CTNND2: variants seen among roughly 807,000 people sequenced by gnomAD.
CTNND2 encodes catenin delta 2.
A neutral mutation model predicts 144.4 loss-of-function variants in CTNND2; 22 were observed. The ratio of observed to expected loss-of-function variants is 0.15; its 90% confidence interval spans 0.11 to 0.22. The LOEUF (loss-of-function observed/expected upper bound fraction) is 0.22, where lower values mean the gene tolerates loss of function less well. Ranked by LOEUF, CTNND2 falls within the 10% of genes least tolerant of loss-of-function variation. The pLI is 1.00. For missense variants in CTNND2, 1,353 were observed against 1,618.8 expected, an observed-to-expected ratio of 0.84 and a Z score of 2.82; for synonymous variants, 751 against 695.6, an observed-to-expected ratio of 1.08 and a Z score of -1.25.
chr5:11,736,488 T>TA (rs1787689341), intron 1 of CTNND2, among the ~76,000 whole-genome samples: 1 of 152,200 alleles, frequency 6.6e-6, no homozygotes, highest in Non-Finnish European at 1.5e-5. Flanking sequence ...AAATTTAATG[T>TA]AACTATTGTG....
chr5:11,151,297 C>G (rs1341786694), intron 12 of CTNND2, among the ~76,000 whole-genome samples: 1 of 152,134 alleles, frequency 6.6e-6, no homozygotes, highest in Non-Finnish European at 1.5e-5. Flanking sequence ...AGGGAAGTTA[C>G]TTCTTATGCA....
rs1561384396 is a variant in CTNND2, at chr5:11,432,127, T to TTA, written c.288-20059_288-20058insTA. Reference sequence around the variant, plus strand: ...TCATTTTCTGAGGTTGAGGCTTTTTTTTTTTTTTTTTTTTAAGTTAAGGGC... The same window carrying TTA: ...TCATTTTCTGAGGTTGAGGCTTTTTTTATTTTTTTTTTTTTTAAGTTAAGGGC... On this transcript the variant is annotated intron_variant, in intron 3 of 21. Transcript: ENST00000304623. 4.9e-3 allele frequency among the ~76,000 whole-genome samples: 742 copies of TTA among 150,398 alleles called. 8 individuals are homozygous for TTA. The highest frequency in any genetic ancestry group is 0.017 in the African/African-American group (705 of 40,934).
At chr5:11,048,937 C>T (rs1484609813) in intron 16 of CTNND2, among the ~76,000 whole-genome samples, 1 of 152,214 alleles carries the variant, frequency 6.6e-6, no homozygotes, top group Non-Finnish European at 1.5e-5. Flanking sequence ...GCCTGCAGGA[C>T]AGACAGCAGC....
In CTNND2 at chr5:11,129,314, A is replaced by AAATATATTATATAT. The variant is rs1453790936; in HGVS notation, c.2160-11748_2160-11747insATATATAATATATT. On this transcript the variant is annotated intron_variant, in intron 12 of 21. Transcript: ENST00000304623. ...TATATAATATATATTATATATATAAATATATATAATATATATATATGCATC... is the reference window on the plus strand; with the variant it reads ...TATATAATATATATTATATATATAAAAATATATTATATATTATATATAATATATATATATGCATC... 1.0e-4 allele frequency among the ~76,000 whole-genome samples: 10 copies of AAATATATTATATAT among 99,716 alleles called. 1 individual carries two copies. Among genetic ancestry groups the AAATATATTATATAT allele is most frequent in the African/African-American group, 4.1e-4 (10 of 24,256 alleles). The allele number at this position is 99,716 out of a possible 152,430, so 65.4% of individuals were successfully genotyped here.
chr5:11,140,145 A>G (rs751427403), intron 12 of CTNND2, among the ~76,000 whole-genome samples: 23 of 152,176 alleles, frequency 1.5e-4, no homozygotes, highest in Non-Finnish European at 2.2e-4. Flanking sequence ...GTTTTTGGTG[A>G]TTAGCACAGG....
chr5:11,326,536 T>G (rs572157531), intron 9 of CTNND2, among the ~76,000 whole-genome samples: 31 of 152,280 alleles, frequency 2.0e-4, no homozygotes, highest in African/African-American at 6.7e-4. Context: ...AAGGGTACAA[T>G]TCCTATCTCT....
At chr5:11,454,470 T>G (rs931914099) in intron 3 of CTNND2, among the ~76,000 whole-genome samples, 1 of 152,132 alleles carries the variant, frequency 6.6e-6, no homozygotes, top group Admixed American at 6.5e-5. Context: ...AACATAATAT[T>G]TGTATATGTT....
chr5:11,811,668 T>G (rs1792341630), intron 1 of CTNND2, among the ~76,000 whole-genome samples: 1 of 152,142 alleles, frequency 6.6e-6, no homozygotes, highest in Non-Finnish European at 1.5e-5. Context: ...TCTATTTTCA[T>G]TTTGATATTT....
chr5:10,999,725 T>C (rs1293872428), intron 18 of CTNND2, among the ~76,000 whole-genome samples: 1 of 152,214 alleles, frequency 6.6e-6, no homozygotes, highest in African/African-American at 2.4e-5. Context: ...GTTCCAAGTA[T>C]ATAGAGATAG....
intron 12 of CTNND2, among the ~76,000 whole-genome samples, chr5:11,131,391 G>C (rs369922992): frequency 6.6e-6 from 1 of 152,164 alleles, no homozygotes. Context: ...GACTAATAAG[G>C]GTTTATAGAT....
intron 12 of CTNND2, among the ~76,000 whole-genome samples, chr5:11,121,874 G>A (rs954462809): frequency 1.3e-5 from 2 of 152,114 alleles, no homozygotes; most frequent in Non-Finnish European, 2.9e-5. Context: ...TTTGTAATTA[G>A]CCTCTCCCTT....
At chr5:11,226,247 T>G (rs1202249760) in intron 10 of CTNND2, among the ~76,000 whole-genome samples, 2 of 152,220 alleles carry the variant, frequency 1.3e-5, no homozygotes, top group East Asian at 3.8e-4. Context: ...TCTCTCTGAC[T>G]GCCTTCAAGC....
At chr5:11,184,953 C>G (rs889240116) in intron 11 of CTNND2, among the ~76,000 whole-genome samples, 3 of 152,214 alleles carry the variant, frequency 2.0e-5, no homozygotes, top group Admixed American at 1.3e-4. Flanking sequence ...CAGAAGGAAG[C>G]TGCTTTGCGC....
intron 2 of CTNND2, among the ~76,000 whole-genome samples, chr5:11,665,419 C>T (rs1386006760): frequency 6.6e-6 from 1 of 152,078 alleles, no homozygotes; most frequent in Non-Finnish European, 1.5e-5. Context: ...CAAGATAGTT[C>T]CTGAAAACAG....
chr5:11,353,842 T>C (rs1755594896), intron 8 of CTNND2, among the ~76,000 whole-genome samples: 1 of 152,068 alleles, frequency 6.6e-6, no homozygotes, highest in Non-Finnish European at 1.5e-5. Flanking sequence ...TTTCTTTGGC[T>C]TCTTCTTCAG....
At chr5:11,156,503 T>C (rs1758234058) in intron 12 of CTNND2, among the ~76,000 whole-genome samples, 1 of 152,240 alleles carries the variant, frequency 6.6e-6, no homozygotes, top group African/African-American at 2.4e-5. Flanking sequence ...AAAAGAGTTT[T>C]ATTTTCTTGG....
At chr5:11,586,815 C>A (rs1778896449) in intron 2 of CTNND2, among the ~76,000 whole-genome samples, 1 of 152,054 alleles carries the variant, frequency 6.6e-6, no homozygotes, top group Non-Finnish European at 1.5e-5. Context: ...GATTTTGTAA[C>A]ATGGCATTAG....
At chr5:10,978,500 A>T (rs61752681) in intron 21 of CTNND2, among the ~76,000 whole-genome samples, 1 of 145,330 alleles carries the variant, frequency 6.9e-6, no homozygotes, top group Admixed American at 6.8e-5. Context: ...CTTTTTGGGG[A>T]GGGGGGGGAA....
At chr5:11,854,682 T>A (rs1023617653) in intron 1 of CTNND2, among the ~76,000 whole-genome samples, 3 of 152,178 alleles carry the variant, frequency 2.0e-5, no homozygotes, top group Non-Finnish European at 4.4e-5. Context: ...ATATATTCCA[T>A]CTTAACACAA....
Sources: allele counts gnomAD v4.1 joint callset (sites outside exome capture counted in the v4.1 genomes callset), GRCh38; gene constraint gnomAD v4.1.1; transcripts MANE v1.5; gene names NCBI Gene and HGNC (gene_info 2026-07-23, HGNC 2026-07-21).